LGSN: variants seen among roughly 807,000 people sequenced by gnomAD.
The protein encoded by LGSN is lengsin, lens protein with glutamine synthetase domain, also known as lengsin.
A neutral mutation model predicts 19.5 loss-of-function variants in LGSN; 21 were observed. The ratio of observed to expected loss-of-function variants is 1.07; its 90% CI spans 0.76 to 1.55. LGSN has a LOEUF of 1.55. Ranked by LOEUF, LGSN falls within the 40% of genes most tolerant of loss-of-function variation. The pLI is 0.00. For missense variants in LGSN, 673 were observed against 608.5 expected (o/e 1.11, Z -1.12); for synonymous variants, 257 against 215.6 (o/e 1.19, Z -1.68).
the LGSN span, among the ~76,000 whole-genome samples, chr6:63,564,280 A>G: frequency 2.6e-5 from 4 of 152,028 alleles, no homozygotes; most frequent in Non-Finnish European, 5.9e-5. Context: ...TGTCTCAAAA[A>G]AAAAAAAAAA....
the LGSN span, among the ~76,000 whole-genome samples, chr6:63,374,183 C>A: frequency 1.3e-5 from 2 of 151,806 alleles, no homozygotes; most frequent in African/African-American, 4.8e-5. Flanking sequence ...AAAAAAACAC[C>A]AATATATATT....
At chr6:63,564,265 G>T in the LGSN span, among the ~76,000 whole-genome samples, 1 of 145,158 alleles carries the variant, frequency 6.9e-6, no homozygotes, top group African/African-American at 2.6e-5. Flanking sequence ...GACAGAGCGA[G>T]ACTCTGTCTC....
At chr6:63,521,984 T>C in the LGSN span, among the ~76,000 whole-genome samples, 2 of 152,216 alleles carry the variant, frequency 1.3e-5, no homozygotes, top group African/African-American at 4.8e-5. Context: ...CACACACTCA[T>C]TTAGTGGCAG....
the LGSN span, among the ~76,000 whole-genome samples, chr6:63,485,826 T>A: frequency 5.5e-3 from 830 of 152,250 alleles, 5 homozygotes; most frequent in Non-Finnish European, 9.8e-3. Context: ...CCTCCCGGGT[T>A]CAAGTGAGTC....
At chr6:63,324,619 G>A (rs1259786103), upstream of LGSN, among the ~76,000 whole-genome samples, 2 of 152,002 alleles carry the variant, frequency 1.3e-5, no homozygotes, top group Non-Finnish European at 2.9e-5. Context: ...AGGAACTTTG[G>A]AAACTCTACA....
At chr6:63,305,637 A>G (rs1019887144) in intron 1 of LGSN, among the ~76,000 whole-genome samples, 5 of 152,222 alleles carry the variant, frequency 3.3e-5, no homozygotes, top group South Asian at 2.1e-4. Context: ...TGTTCTGTCC[A>G]TAAATGTTAT....
chr6:63,360,660 A>G, the LGSN span, among the ~76,000 whole-genome samples: 1 of 152,196 alleles, frequency 6.6e-6, no homozygotes, highest in Non-Finnish European at 1.5e-5. Flanking sequence ...CAACTCATCA[A>G]AGTCATTCTC....
At chr6:63,400,172 C>G in the LGSN span, among the ~76,000 whole-genome samples, 1,259 of 152,144 alleles carry the variant, frequency 8.3e-3, 14 homozygotes, top group South Asian at 0.025. Context: ...GTCCATGAAA[C>G]AAGTAAATAA....
the LGSN span, among the ~76,000 whole-genome samples, chr6:63,354,017 A>T: frequency 1.3e-5 from 2 of 152,192 alleles, no homozygotes; most frequent in African/African-American, 4.8e-5. Flanking sequence ...AGACTTAAAC[A>T]TGAGACCTCA....
At chr6:63,338,922 AC>A in the LGSN span, among the ~76,000 whole-genome samples, 1 of 152,106 alleles carries the variant, frequency 6.6e-6, no homozygotes, top group African/African-American at 2.4e-5. Flanking sequence ...GTCTTCATAG[AC>A]CCAATTATTA....
the LGSN span, among the ~76,000 whole-genome samples, chr6:63,416,897 T>C: frequency 7.4e-5 from 11 of 148,052 alleles, no homozygotes; most frequent in African/African-American, 2.8e-4. Flanking sequence ...AATATATATA[T>C]ACACTTTAAA....
chr6:63,556,440 C>G, the LGSN span, among the ~76,000 whole-genome samples: 1 of 152,070 alleles, frequency 6.6e-6, no homozygotes, highest in East Asian at 1.9e-4. Flanking sequence ...CTTGGCCTGC[C>G]AAAGTGCTGG....
chr6:63,327,395 G>A, the LGSN span, among the ~76,000 whole-genome samples: 1 of 152,192 alleles, frequency 6.6e-6, no homozygotes, highest in Non-Finnish European at 1.5e-5. Context: ...GAATTTGAAA[G>A]GTGTTGTCTG....
the LGSN span, among the ~76,000 whole-genome samples, chr6:63,572,950 G>A: frequency 6.6e-6 from 1 of 152,086 alleles, no homozygotes; most frequent in Non-Finnish European, 1.5e-5. Flanking sequence ...GCGGTTGGCC[G>A]CCGGAGGCAC....
At chr6:63,528,627 G>C in the LGSN span, among the ~76,000 whole-genome samples, 8 of 152,032 alleles carry the variant, frequency 5.3e-5, no homozygotes, top group Non-Finnish European at 8.8e-5. Context: ...CATGCATGGT[G>C]GTGTGCGCCT....
intron 3 of LGSN, among the ~76,000 whole-genome samples, chr6:63,285,357 T>C (rs966771146): frequency 1.2e-4 from 19 of 152,224 alleles, no homozygotes; most frequent in Admixed American, 1.1e-3. Flanking sequence ...TCAATTAGTT[T>C]TGTATTTCTA....
At chr6:63,549,280 G>A in the LGSN span, 1 of 753,314 alleles carries the variant, frequency 1.3e-6, no homozygotes, top group Non-Finnish European at 2.4e-6. Flanking sequence ...ATCTCAGGAG[G>A]CACTTTCAGC....
chr6:63,425,070 A>C, the LGSN span, among the ~76,000 whole-genome samples: 9 of 152,220 alleles, frequency 5.9e-5, no homozygotes, highest in African/African-American at 1.7e-4. Flanking sequence ...AAGCACAATG[A>C]GATATCACTA....
At chr6:63,466,909 G>A in the LGSN span, among the ~76,000 whole-genome samples, 1 of 151,870 alleles carries the variant, frequency 6.6e-6, no homozygotes. Flanking sequence ...GAAAGGTTTG[G>A]GTTTCATATA....
Sources: allele counts gnomAD v4.1 joint callset (sites outside exome capture counted in the v4.1 genomes callset), GRCh38; gene constraint gnomAD v4.1.1; transcripts MANE v1.5; gene names NCBI Gene and HGNC (gene_info 2026-07-23, HGNC 2026-07-21).